Variants in RALGPS2 observed in about 807,000 individuals in gnomAD.
The protein encoded by RALGPS2 is ras-specific guanine nucleotide-releasing factor RalGPS2.
RALGPS2 carries 43 observed loss-of-function variants against 86.8 expected under a neutral mutation model. That is an observed-to-expected ratio of 0.50 (90% CI 0.39 to 0.64). RALGPS2 has a LOEUF of 0.64. Ranked by LOEUF, RALGPS2 falls within the 30% of genes least tolerant of loss-of-function variation. The pLI is 0.00. For synonymous variants in RALGPS2, 243 were observed against 231.3 expected (o/e 1.05, Z -0.46); for missense variants, 536 against 694.6 (o/e 0.77, Z 2.57).
chr1:178,726,200 G>A (rs921563313), intron 1 of RALGPS2: 10 of 152,308 alleles, frequency 6.6e-5, no homozygotes, highest in African/African-American at 2.4e-4. Flanking sequence ...TGCAGTATCG[G>A]ATTAGGTAGG....
chr1:178,861,880 A>AGTT (rs1181081430), intron 8 of RALGPS2, among the ~76,000 whole-genome samples: 5 of 151,492 alleles, frequency 3.3e-5, no homozygotes, highest in African/African-American at 1.2e-4. Flanking sequence ...TTGTTGTTGT[A>AGTT]GTTGTTGTTG....
intron 7 of RALGPS2, among the ~76,000 whole-genome samples, chr1:178,825,903 T>C (rs1227870408): frequency 6.6e-5 from 10 of 152,130 alleles, no homozygotes. Flanking sequence ...TGGAGGATTT[T>C]AGGGAGCAGG....
intron 1 of RALGPS2, among the ~76,000 whole-genome samples, chr1:178,756,712 A>G (rs981747129): frequency 1.3e-5 from 2 of 151,998 alleles, no homozygotes; most frequent in South Asian, 2.1e-4. Context: ...TTGTAGCTTT[A>G]TAGGAATAGT....
intron 8 of RALGPS2, chr1:178,869,283 AGGCATTTAACT>A (rs1006494759): frequency 1.3e-5 from 2 of 152,116 alleles, no homozygotes; most frequent in Admixed American, 1.3e-4. Flanking sequence ...AAACTCACAG[AGGCATTTAACT>A]GGCTGTGTCA....
intron 17 of RALGPS2, among the ~76,000 whole-genome samples, chr1:178,899,453 G>C (rs755823410): frequency 4.0e-5 from 6 of 151,794 alleles, no homozygotes; most frequent in Non-Finnish European, 7.4e-5. Context: ...TATTAATCTT[G>C]AGATAGAAAA....
At chr1:178,878,059 C>G (rs1276843817) in intron 9 of RALGPS2, among the ~76,000 whole-genome samples, 2 of 152,026 alleles carry the variant, frequency 1.3e-5, no homozygotes, top group Admixed American at 6.5e-5. Context: ...ATCGTTCTTA[C>G]AGTTTTCAAT....
chr1:178,790,772 G>C (rs1400907635), intron 4 of RALGPS2, among the ~76,000 whole-genome samples: 1 of 152,148 alleles, frequency 6.6e-6, no homozygotes, highest in Non-Finnish European at 1.5e-5. Flanking sequence ...TACAGATATT[G>C]TTTATTATGT....
chr1:178,769,223 C>A (rs1037960204), intron 1 of RALGPS2, among the ~76,000 whole-genome samples: 5 of 151,558 alleles, frequency 3.3e-5, no homozygotes, highest in Admixed American at 1.3e-4. Context: ...GCTGCTGAAG[C>A]AGGCAAGTGA....
intron 8 of RALGPS2, among the ~76,000 whole-genome samples, chr1:178,875,802 TA>T (rs1302082252): frequency 6.6e-6 from 1 of 151,260 alleles, no homozygotes; most frequent in East Asian, 1.9e-4. Flanking sequence ...AAGGAGCCAG[TA>T]GGGGTGAATG....
intron 19 of RALGPS2, among the ~76,000 whole-genome samples, chr1:178,911,927 TCTG>T (rs1310973617): frequency 6.6e-6 from 1 of 152,214 alleles, no homozygotes; most frequent in Non-Finnish European, 1.5e-5. Flanking sequence ...AGTTAAGTCT[TCTG>T]GATGAATTGA....
Position 178,779,738 on chromosome 1 carries a change from T to C in RALGPS2, c.57+2917T>C, listed in dbSNP as rs138419888. Among the ~76,000 whole-genome samples, 1,262 of 152,326 alleles carry C rather than the reference T, an allele frequency of 8.3e-3. 17 individuals are homozygous for C. Among genetic ancestry groups the C allele is most frequent in the African/African-American group, 0.029 (1,187 of 41,562 alleles). ...TAAATCTTTAGATGTGTTGTTTATTTGTGGTGGGGTTTGAGACAGAGTTTT... is the reference window on the plus strand; with the variant it reads ...TAAATCTTTAGATGTGTTGTTTATTCGTGGTGGGGTTTGAGACAGAGTTTT... On this transcript the variant is annotated intron_variant, in intron 2 of 19. Coordinates refer to ENST00000367635, the MANE Select transcript of RALGPS2 (RefSeq NM_152663.5).
intron 4 of RALGPS2, among the ~76,000 whole-genome samples, chr1:178,803,732 A>G (rs1465906480): frequency 6.6e-6 from 1 of 152,192 alleles, no homozygotes; most frequent in African/African-American, 2.4e-5. Context: ...CTTGAAAGAT[A>G]TGATCTAATT....
At chr1:178,731,863 G>A (rs1327069565) in intron 1 of RALGPS2, among the ~76,000 whole-genome samples, 2 of 152,056 alleles carry the variant, frequency 1.3e-5, no homozygotes, top group Non-Finnish European at 2.9e-5. Context: ...GGCATTTTGG[G>A]CAATACAATC....
rs139303874 is a variant in RALGPS2, at chr1:178,727,309, C to A, written c.-84+1890C>A. On this transcript the variant is annotated intron_variant, in intron 1 of 19. Coordinates refer to ENST00000367635, the MANE Select transcript of RALGPS2 (RefSeq NM_152663.5). Reference sequence around the variant, plus strand: ...CAGACTCCTGAGCTCAAGCGATCCTCCCGTGTCAGGCTCCCAAGAAGCTGG... The same window carrying A: ...CAGACTCCTGAGCTCAAGCGATCCTACCGTGTCAGGCTCCCAAGAAGCTGG... Among the ~76,000 whole-genome samples the A allele has an allele frequency of 3.7e-3, 559 of 152,248 alleles. 5 individuals are homozygous for A. Among genetic ancestry groups the A allele is most frequent in the African/African-American group, 0.012 (506 of 41,522 alleles).
chr1:178,831,532 T>C (rs1174811440), intron 7 of RALGPS2, among the ~76,000 whole-genome samples: 1 of 152,074 alleles, frequency 6.6e-6, no homozygotes, highest in African/African-American at 2.4e-5. Context: ...TTCATTAATA[T>C]CAATGAAAGT....
chr1:178,757,236 A>G (rs900688094), intron 1 of RALGPS2, among the ~76,000 whole-genome samples: 2 of 152,198 alleles, frequency 1.3e-5, no homozygotes, highest in Non-Finnish European at 1.5e-5. Context: ...ATAGAATCAC[A>G]TAGTCAGTGA....
At chr1:178,885,845 C>T in intron 12 of RALGPS2, 124 bp from the exon 13 acceptor site, 1 of 835,724 alleles carries the variant, frequency 1.2e-6, no homozygotes, top group Non-Finnish European at 1.8e-6. Context: ...TCATTTGAGG[C>T]TTTTATGGTA....
chr1:178,898,653 A>G (rs1660043222), intron 17 of RALGPS2, among the ~76,000 whole-genome samples: 1 of 151,962 alleles, frequency 6.6e-6, no homozygotes, highest in African/African-American at 2.4e-5. Flanking sequence ...TAGTGTTAGC[A>G]TATATGTTTC....
At chr1:178,777,539 C>G (rs1467946611) in intron 2 of RALGPS2, among the ~76,000 whole-genome samples, 10 of 151,452 alleles carry the variant, frequency 6.6e-5, no homozygotes, top group South Asian at 2.1e-4. Context: ...TTGGAAAAAA[C>G]TACTTTAAAG....
Sources: allele counts gnomAD v4.1 joint callset (sites outside exome capture counted in the v4.1 genomes callset), GRCh38; gene constraint gnomAD v4.1.1; transcripts MANE v1.5; gene names NCBI Gene and HGNC (gene_info 2026-07-23, HGNC 2026-07-21).